The following CNTN5 variants were observed in gnomAD, a reference collection of about 807,000 sequenced individuals.
CNTN5 encodes contactin 5.
CNTN5 carries 77 observed loss-of-function variants against 129.1 expected under a neutral mutation model. That is an observed-to-expected ratio of 0.60 (90% CI 0.50 to 0.72). The LOEUF (loss-of-function observed/expected upper bound fraction) is 0.72. Among genes scored for constraint, CNTN5 ranks in the 30% least tolerant of loss-of-function variants. The pLI is 0.00. For synonymous variants in CNTN5, 509 were observed against 465.6 expected, an observed-to-expected ratio of 1.09 and a Z score of -1.20; for missense variants, 1,478 against 1,328.8, an observed-to-expected ratio of 1.11 and a Z score of -1.75.
intron 8 of CNTN5, among the ~76,000 whole-genome samples, chr11:99,971,837 TA>T (rs1207641827): frequency 6.6e-6 from 1 of 151,222 alleles, no homozygotes; most frequent in African/African-American, 2.4e-5. Context: ...TATTTAATTT[TA>T]AAAAAATTTA....
intron 1 of CNTN5, among the ~76,000 whole-genome samples, chr11:99,320,496 T>C (rs1379195429): frequency 6.6e-6 from 1 of 152,090 alleles, no homozygotes; most frequent in African/African-American, 2.4e-5. Flanking sequence ...GGTGGCATAT[T>C]GAAGCCATGG....
chr11:100,288,093 C>T (rs1280735886), intron 18 of CNTN5, among the ~76,000 whole-genome samples: 2 of 152,020 alleles, frequency 1.3e-5, no homozygotes, highest in Non-Finnish European at 2.9e-5. Flanking sequence ...TACAGGAGCA[C>T]CCAGATTCAT....
At chr11:99,269,636 A>C (rs529335810) in intron 1 of CNTN5, among the ~76,000 whole-genome samples, 1 of 151,912 alleles carries the variant, frequency 6.6e-6, no homozygotes, top group South Asian at 2.1e-4. Flanking sequence ...TATTAACAAA[A>C]GTGTTGACCA....
At chr11:100,119,728 A>G (rs1945952586) in intron 13 of CNTN5, among the ~76,000 whole-genome samples, 1 of 151,900 alleles carries the variant, frequency 6.6e-6, no homozygotes, top group African/African-American at 2.4e-5. Flanking sequence ...ATGCTTAAAG[A>G]CAGATGATAA....
intron 9 of CNTN5, among the ~76,000 whole-genome samples, chr11:100,054,403 A>G (rs184645532): frequency 2.0e-5 from 3 of 151,924 alleles, no homozygotes; most frequent in African/African-American, 7.2e-5. Context: ...TATTCTCCCA[A>G]CAACCTAACC....
At chr11:99,888,124 A>C (rs1356083607) in intron 6 of CNTN5, among the ~76,000 whole-genome samples, 1 of 152,042 alleles carries the variant, frequency 6.6e-6, no homozygotes, top group African/African-American at 2.4e-5. Flanking sequence ...ATAGCACTGA[A>C]CACAGTCCCT....
intron 3 of CNTN5, among the ~76,000 whole-genome samples, chr11:99,779,140 T>A (rs901537861): frequency 6.6e-6 from 1 of 151,932 alleles, no homozygotes; most frequent in Non-Finnish European, 1.5e-5. Context: ...TTATAAACAT[T>A]TGCATATTTA....
rs547488419 is a variant in CNTN5 at position 99,390,177 on chromosome 11, G to A, written c.-71+64693G>A. Among the ~76,000 whole-genome samples the A allele has an allele frequency of 6.6e-5, 10 of 151,924 alleles. No homozygotes were observed. In the South Asian group the frequency reaches 8.3e-4, roughly 13 times the overall value. ...CTGTTGCCCAGGTTCGAGAACAGTG[G>A]CACAATCATAGCTTACTGTAACCTT... On this transcript the variant is annotated intron_variant, in intron 2 of 24. Transcript: ENST00000524871.
At chr11:99,933,330 AT>A (rs922355074) in intron 7 of CNTN5, among the ~76,000 whole-genome samples, 34 of 152,310 alleles carry the variant, frequency 2.2e-4, no homozygotes, top group Middle Eastern at 3.4e-3. Context: ...AATATGGATC[AT>A]TTTTAATTAG....
intron 1 of CNTN5, among the ~76,000 whole-genome samples, chr11:99,053,638 T>G (rs936663256): frequency 2.6e-5 from 4 of 151,920 alleles, no homozygotes; most frequent in African/African-American, 9.7e-5. Context: ...GAAGGGTGTT[T>G]AAGATGTAAT....
chr11:99,840,513 TTTCTA>T (rs1359459325), intron 4 of CNTN5, among the ~76,000 whole-genome samples: 2 of 151,908 alleles, frequency 1.3e-5, no homozygotes, highest in Admixed American at 6.5e-5. Flanking sequence ...AAACAATTCT[TTTCTA>T]AGAAAAAAAA....
intron 1 of CNTN5, among the ~76,000 whole-genome samples, chr11:99,041,114 A>G (rs1216979093): frequency 6.6e-6 from 1 of 152,142 alleles, no homozygotes; most frequent in Non-Finnish European, 1.5e-5. Context: ...TTTAATTTTC[A>G]GTACATTAAC....
intron 8 of CNTN5, among the ~76,000 whole-genome samples, chr11:99,959,703 C>T (rs894288993): frequency 3.9e-5 from 6 of 151,960 alleles, no homozygotes; most frequent in African/African-American, 1.5e-4. Context: ...TTGAGAAGTA[C>T]TATATAAAAG....
At chr11:99,183,855 T>C (rs951475066) in intron 1 of CNTN5, among the ~76,000 whole-genome samples, 2 of 152,144 alleles carry the variant, frequency 1.3e-5, no homozygotes, top group Non-Finnish European at 2.9e-5. Flanking sequence ...TTTAACTCAA[T>C]ATCTTAACCT....
chr11:99,394,334 A>G (rs1941411891), intron 2 of CNTN5, among the ~76,000 whole-genome samples: 1 of 151,686 alleles, frequency 6.6e-6, no homozygotes, highest in Non-Finnish European at 1.5e-5. Flanking sequence ...TAAAGATTTA[A>G]TGTATCTTTG....
chr11:99,404,753 C>T (rs1470839492), intron 2 of CNTN5, among the ~76,000 whole-genome samples: 1 of 152,002 alleles, frequency 6.6e-6, no homozygotes, highest in African/African-American at 2.4e-5. Flanking sequence ...TTATTGGTCA[C>T]CACAGTTACA....
At chr11:99,771,982 G>T (rs1271834509) in intron 3 of CNTN5, among the ~76,000 whole-genome samples, 1 of 151,700 alleles carries the variant, frequency 6.6e-6, no homozygotes, top group Non-Finnish European at 1.5e-5. Flanking sequence ...TGAAAAAAAT[G>T]TCTCTAATAA....
intron 15 of CNTN5, among the ~76,000 whole-genome samples, chr11:100,210,291 C>T (rs1310932229): frequency 1.4e-5 from 2 of 145,326 alleles, no homozygotes; most frequent in African/African-American, 2.5e-5. Context: ...CAGAGGTTGC[C>T]GTGAGCCAAG....
At chr11:99,620,862 A>T (rs941839952) in intron 3 of CNTN5, among the ~76,000 whole-genome samples, 1 of 152,216 alleles carries the variant, frequency 6.6e-6, no homozygotes, top group African/African-American at 2.4e-5. Flanking sequence ...AAGTAAATAT[A>T]CACCAATAGA....
Sources: allele counts gnomAD v4.1 joint callset (sites outside exome capture counted in the v4.1 genomes callset), GRCh38; gene constraint gnomAD v4.1.1; transcripts MANE v1.5; gene names NCBI Gene and HGNC (gene_info 2026-07-23, HGNC 2026-07-21).